SCD5: variants seen among roughly 807,000 people sequenced by gnomAD.
SCD5 encodes stearoyl-CoA desaturase 5, also known as acyl-CoA-desaturase 4.
A neutral mutation model predicts 30.4 loss-of-function variants in SCD5; 20 were observed. The ratio of observed to expected loss-of-function variants is 0.66; its 90% CI spans 0.46 to 0.96. The LOEUF is 0.96. Among genes scored for constraint, SCD5 ranks in the 40% least tolerant of loss-of-function variants. The pLI, the probability that SCD5 is intolerant of heterozygous loss-of-function variation, is 0.00. For missense variants in SCD5, 381 were observed against 443.3 expected, an observed-to-expected ratio of 0.86 and a Z score of 1.26; for synonymous variants, 173 against 176.4, an observed-to-expected ratio of 0.98 and a Z score of 0.16.
chr4:82,702,683 T>C (rs1328772786), intron 2 of SCD5, among the ~76,000 whole-genome samples: 1 of 152,170 alleles, frequency 6.6e-6, no homozygotes, highest in Non-Finnish European at 1.5e-5. Context: ...GCATGACCAT[T>C]CCGGTGAAGG....
At chr4:82,635,052 T>C (rs1046516767) in intron 4 of SCD5, among the ~76,000 whole-genome samples, 4 of 152,230 alleles carry the variant, frequency 2.6e-5, no homozygotes, top group African/African-American at 9.6e-5. Context: ...CAGAATCTCA[T>C]CACTGAGTGA....
chr4:82,640,617 C>T (rs190847219), intron 3 of SCD5, among the ~76,000 whole-genome samples: 1 of 152,308 alleles, frequency 6.6e-6, no homozygotes, highest in Non-Finnish European at 1.5e-5. Context: ...CTATCTCAAG[C>T]CGACTTAGCA....
At chr4:82,727,688 T>G (rs957764866) in intron 1 of SCD5, among the ~76,000 whole-genome samples, 2 of 152,180 alleles carry the variant, frequency 1.3e-5, no homozygotes, top group Non-Finnish European at 2.9e-5. Context: ...GTCTCCCCTT[T>G]CTGGCCTTGA....
At chr4:82,780,838 C>T (rs1474613551) in intron 1 of SCD5, among the ~76,000 whole-genome samples, 1 of 152,276 alleles carries the variant, frequency 6.6e-6, no homozygotes, top group African/African-American at 2.4e-5. Flanking sequence ...GCCTGGACGG[C>T]TGCTTCTCCG....
intron 2 of SCD5, among the ~76,000 whole-genome samples, chr4:82,703,916 A>AATAAAGTGCAGC (rs1719912859): frequency 6.6e-6 from 1 of 152,220 alleles, no homozygotes; most frequent in Non-Finnish European, 1.5e-5. Context: ...CTGAAGTCAA[A>AATAAAGTGCAGC]ATAAAGTGCA....
At chr4:82,680,626 G>T in intron 3 of SCD5, 81 bp downstream of exon 3, 1 of 1,259,344 alleles carries the variant, frequency 7.9e-7, no homozygotes, top group Non-Finnish European at 1.2e-6. Context: ...AGAACGCTAT[G>T]GGGTTATGAG....
intron 1 of SCD5, among the ~76,000 whole-genome samples, chr4:82,723,483 A>T (rs4693049): frequency 0.22 from 33,979 of 152,086 alleles, 4,391 homozygotes; most frequent in Middle Eastern, 0.35. Flanking sequence ...TTTTTTGCTA[A>T]AATTTTTTCT....
At chr4:82,754,837 C>T (rs907772886) in intron 1 of SCD5, among the ~76,000 whole-genome samples, 8 of 152,168 alleles carry the variant, frequency 5.3e-5, no homozygotes, top group African/African-American at 1.9e-4. Context: ...CTATATTTCA[C>T]TTCTTATATC....
At chr4:82,724,547 C>A (rs1312675816) in intron 1 of SCD5, among the ~76,000 whole-genome samples, 5 of 152,162 alleles carry the variant, frequency 3.3e-5, no homozygotes, top group East Asian at 3.8e-4. Flanking sequence ...CCTCTTCCTG[C>A]CCACAAATAA....
chr4:82,641,525 G>A (rs1009558934), intron 3 of SCD5, among the ~76,000 whole-genome samples: 7 of 152,128 alleles, frequency 4.6e-5, no homozygotes, highest in African/African-American at 1.7e-4. Context: ...TATGGTTTTT[G>A]ACTAAAGACT....
chr4:82,666,855 C>T (rs1346779167), intron 3 of SCD5, among the ~76,000 whole-genome samples: 1 of 152,112 alleles, frequency 6.6e-6, no homozygotes, highest in African/African-American at 2.4e-5. Flanking sequence ...GTCCAGATTC[C>T]AGGTACCACT....
intron 4 of SCD5, among the ~76,000 whole-genome samples, chr4:82,635,772 G>C (rs1257910807): frequency 6.6e-6 from 1 of 152,182 alleles, no homozygotes; most frequent in Non-Finnish European, 1.5e-5. Flanking sequence ...ACGAAAGGCA[G>C]AAGAACGAGT....
At chr4:82,702,851 G>A (rs926159203) in intron 2 of SCD5, among the ~76,000 whole-genome samples, 1 of 152,220 alleles carries the variant, frequency 6.6e-6, no homozygotes, top group Non-Finnish European at 1.5e-5. Context: ...TCCTCATAGG[G>A]TTAAGTGGTT....
At chr4:82,636,452 G>GAA (rs36060565) in intron 4 of SCD5, 139 bp downstream of exon 4, 16,815 of 547,306 alleles carry the variant, frequency 0.031, no homozygotes, top group South Asian at 0.047. Context: ...CTCTATCTCG[G>GAA]AAAAAAAAAA....
chr4:82,694,654 ACT>A (rs1204333665), intron 2 of SCD5, among the ~76,000 whole-genome samples: 1 of 149,236 alleles, frequency 6.7e-6, no homozygotes, highest in Admixed American at 6.6e-5. Flanking sequence ...TGAATCAATA[ACT>A]CTGCAGATCC....
Position 82,697,031 on chromosome 4 carries a change from C to A in SCD5, c.363+8252G>T, listed in dbSNP as rs72916851. Among the ~76,000 whole-genome samples, 846 of 152,336 alleles carry A rather than the reference C, an allele frequency of 5.6e-3. 10 individuals are homozygous for A. Among genetic ancestry groups the A allele is most frequent in the African/African-American group, 0.019 (792 of 41,578 alleles). On this transcript the variant is annotated intron_variant, in intron 2 of 4. Transcript: ENST00000319540. ...TAACCTCCTGTGATCCCAGCTCTAA[C>A]CTTCTGTGGTTCTAAGACAAAGAAA...
At chr4:82,781,874 C>T (rs1034419113) in intron 1 of SCD5, among the ~76,000 whole-genome samples, 53 of 152,264 alleles carry the variant, frequency 3.5e-4, no homozygotes, top group Admixed American at 3.3e-3. Context: ...CAGCACAAAA[C>T]AGACTAAGAC....
intron 1 of SCD5, among the ~76,000 whole-genome samples, chr4:82,761,641 A>AGG (rs1721370134): frequency 6.6e-6 from 1 of 151,954 alleles, no homozygotes; most frequent in African/African-American, 2.4e-5. Context: ...CAGGTTAGTT[A>AGG]CATATGTATA....
chr4:82,775,102 G>T (rs1438807811), intron 1 of SCD5, among the ~76,000 whole-genome samples: 1 of 152,202 alleles, frequency 6.6e-6, no homozygotes, highest in African/African-American at 2.4e-5. Context: ...AGCCAGCACA[G>T]GGTGGACAGA....
Sources: gnomAD v4.1 joint callset for allele counts (sites outside exome capture counted in the v4.1 genomes callset) on GRCh38, gnomAD v4.1.1 for gene constraint, MANE v1.5 for transcripts, NCBI Gene and HGNC (gene_info 2026-07-23, HGNC 2026-07-21) for gene names.